SPAG16: variants seen among roughly 807,000 people sequenced by gnomAD.
SPAG16 encodes sperm-associated antigen 16 protein.
SPAG16 carries 86 observed loss-of-function variants against 80.4 expected under a neutral mutation model. The ratio of observed to expected loss-of-function variants is 1.07; its 90% CI spans 0.90 to 1.28. SPAG16 has a LOEUF of 1.28. SPAG16 is among the 50% of genes most tolerant of loss of function. The probability of loss-of-function intolerance (pLI) is 0.00; values close to 1 mark genes in which losing one functional copy is unlikely to be tolerated. For synonymous variants in SPAG16, 294 were observed against 265.9 expected (o/e 1.11, Z -1.03); for missense variants, 870 against 765.3 (o/e 1.14, Z -1.61).
intron 9 of SPAG16, among the ~76,000 whole-genome samples, chr2:213,458,411 A>T (rs1000163077): frequency 2.8e-5 from 4 of 144,576 alleles, no homozygotes; most frequent in South Asian, 2.2e-4. Flanking sequence ...ACTAAAAATT[A>T]AAAAAAAAAA....
At chr2:214,046,567 A>T (rs2049337429) in intron 13 of SPAG16, among the ~76,000 whole-genome samples, 1 of 152,212 alleles carries the variant, frequency 6.6e-6, no homozygotes, top group Non-Finnish European at 1.5e-5. Context: ...AATCAATGTG[A>T]TACATATCAA....
At chr2:213,296,227 T>G in intron 2 of SPAG16, 117 bp downstream of exon 2, 1 of 697,882 alleles carries the variant, frequency 1.4e-6, no homozygotes, top group Non-Finnish European at 2.4e-6. Context: ...GAGATACCAG[T>G]TTTTCAACTG....
intron 15 of SPAG16, among the ~76,000 whole-genome samples, chr2:214,292,260 G>T (rs1210187568): frequency 6.6e-6 from 1 of 152,080 alleles, no homozygotes; most frequent in Non-Finnish European, 1.5e-5. Flanking sequence ...GGGGATCACT[G>T]GGCCTTCTGT....
intron 10 of SPAG16, among the ~76,000 whole-genome samples, chr2:213,491,088 A>G (rs545088957): frequency 6.6e-6 from 1 of 152,316 alleles, no homozygotes; most frequent in Admixed American, 6.5e-5. Flanking sequence ...GTGAGAACAT[A>G]GCACATATGA....
intron 9 of SPAG16, among the ~76,000 whole-genome samples, chr2:213,379,134 G>T (rs2125229749): frequency 6.6e-6 from 1 of 152,266 alleles, no homozygotes; most frequent in Admixed American, 6.5e-5. Context: ...AAGACCTCTA[G>T]GCCAGCAGGA....
chr2:213,316,267 C>G (rs533320149), intron 4 of SPAG16, among the ~76,000 whole-genome samples: 2 of 152,146 alleles, frequency 1.3e-5, no homozygotes, highest in East Asian at 1.9e-4. Context: ...CTTGCCTTCT[C>G]TCATTTACCA....
intron 13 of SPAG16, among the ~76,000 whole-genome samples, chr2:214,085,515 G>T (rs1411355095): frequency 1.3e-5 from 2 of 152,230 alleles, no homozygotes; most frequent in Non-Finnish European, 2.9e-5. Flanking sequence ...CATGGAGTGA[G>T]AAAAATACAA....
chr2:214,141,102 G>A (rs2055335478), intron 14 of SPAG16, among the ~76,000 whole-genome samples: 1 of 152,014 alleles, frequency 6.6e-6, no homozygotes, highest in Non-Finnish European at 1.5e-5. Flanking sequence ...TTAGGTTAGG[G>A]TTAGAATTAG....
chr2:213,890,320 A>G (rs567336016), intron 11 of SPAG16, among the ~76,000 whole-genome samples: 8 of 152,220 alleles, frequency 5.3e-5, no homozygotes, highest in African/African-American at 1.9e-4. Context: ...TTAGTAAGTG[A>G]CATTTTCCTT....
At position 213,765,489 on chromosome 2, in the gene SPAG16, C is replaced by T. The variant is rs140660080; in HGVS notation, c.1071-96996C>T. ...CAGATTCCCAATTATGGAATGCCTT[C>T]TATGTCCTCTTGAGTCTATATGTGT... On this transcript the variant is annotated intron_variant, in intron 10 of 15. Coordinates refer to ENST00000331683, the MANE Select transcript of SPAG16 (RefSeq NM_024532.5). 2.8e-4 allele frequency among the ~76,000 whole-genome samples: 42 copies of T among 152,310 alleles called. 2 individuals are homozygous for T. In the East Asian group the frequency reaches 7.3e-3, roughly 27 times the overall value.
At chr2:213,725,492 C>T (rs1229217208) in intron 10 of SPAG16, among the ~76,000 whole-genome samples, 1 of 152,116 alleles carries the variant, frequency 6.6e-6, no homozygotes, top group Non-Finnish European at 1.5e-5. Context: ...GGAGTCACTA[C>T]AAAACTGGTG....
At chr2:213,352,491 C>T (rs1407143909) in intron 7 of SPAG16, among the ~76,000 whole-genome samples, 1 of 152,144 alleles carries the variant, frequency 6.6e-6, no homozygotes, top group Non-Finnish European at 1.5e-5. Flanking sequence ...TCCTCCTGGT[C>T]TCATGCTTAT....
intron 10 of SPAG16, among the ~76,000 whole-genome samples, chr2:213,553,661 A>G (rs1294643700): frequency 1.3e-5 from 2 of 152,176 alleles, no homozygotes; most frequent in Non-Finnish European, 2.9e-5. Context: ...TTCACGAGTG[A>G]CCATACCCCA....
intron 10 of SPAG16, among the ~76,000 whole-genome samples, chr2:213,786,421 T>C (rs2070348007): frequency 6.6e-6 from 1 of 152,224 alleles, no homozygotes; most frequent in Non-Finnish European, 1.5e-5. Flanking sequence ...TGGTACATTA[T>C]TGAGAATTAA....
intron 12 of SPAG16, among the ~76,000 whole-genome samples, chr2:213,987,206 G>T (rs897529185): frequency 6.6e-6 from 1 of 151,964 alleles, no homozygotes; most frequent in Admixed American, 6.6e-5. Flanking sequence ...TCTAAACTTT[G>T]ACTCCTTTTC....
chr2:213,368,310 TC>T (rs2066433557), intron 8 of SPAG16, among the ~76,000 whole-genome samples: 1 of 152,326 alleles, frequency 6.6e-6, no homozygotes, highest in Non-Finnish European at 1.5e-5. Context: ...AGTAGTTTTT[TC>T]CAGTTCTGTG....
intron 11 of SPAG16, among the ~76,000 whole-genome samples, chr2:213,868,679 C>G (rs184567130): frequency 6.6e-6 from 1 of 152,304 alleles, no homozygotes; most frequent in Admixed American, 6.5e-5. Context: ...TCACATATCT[C>G]TATAAGTGAA....
chr2:214,410,305 C>A lies in SPAG16; in HGVS notation c.1886C>A (p.Thr629Lys). ...FSGGSDGTVR[T>K]WS ...GGAGGCTCTGACGGCACAGTTCGAA[C>A]GTGGTCTTGACCGTCAGCACATCCC... Residue 629 changes from threonine (T) to lysine (K), a missense_variant, in exon 16 of 16, where the codon ACG becomes AAG. Transcript: ENST00000331683. The A allele has an allele frequency of 6.3e-7, 1 of 1,597,940 alleles. No individual in the cohort carries two copies. The highest frequency in any genetic ancestry group is 1.7e-5 in the Admixed American group (1 of 59,704).
In SPAG16 at chr2:213,425,780, A is replaced by G. The variant is rs373710931; in HGVS notation, c.942+50661A>G. On this transcript the variant is annotated intron_variant, in intron 9 of 15. Coordinates refer to ENST00000331683, the MANE Select transcript of SPAG16 (RefSeq NM_024532.5). Reference sequence around the variant, plus strand: ...ATGAGATTTCTCAGTATACTAAATCATGCCTTTTAACAATTAAAAATTTTA... The same window carrying G: ...ATGAGATTTCTCAGTATACTAAATCGTGCCTTTTAACAATTAAAAATTTTA... Among the ~76,000 whole-genome samples the G allele has an allele frequency of 5.3e-5, 8 of 152,192 alleles. No individual in the cohort carries two copies. In the East Asian group the frequency reaches 1.5e-3, roughly 29 times the overall value.
Sources: allele counts gnomAD v4.1 joint callset (sites outside exome capture counted in the v4.1 genomes callset), GRCh38; gene constraint gnomAD v4.1.1; transcripts MANE v1.5; gene names NCBI Gene and HGNC (gene_info 2026-07-23, HGNC 2026-07-21).